The following FIG4 variants were observed in gnomAD, a reference collection of about 807,000 sequenced individuals.
FIG4 encodes the protein FIG4 phosphoinositide 5-phosphatase.
Under a neutral mutation model 118.6 loss-of-function variants are expected in FIG4, and 112 were observed. The ratio of observed to expected loss-of-function variants is 0.94; its 90% CI spans 0.81 to 1.11. The LOEUF (loss-of-function observed/expected upper bound fraction) is 1.11, where lower values mean the gene tolerates loss of function less well. Ranked by LOEUF, FIG4 falls within the 50% of genes least tolerant of loss-of-function variation. The pLI, the probability that FIG4 is intolerant of heterozygous loss-of-function variation, is 0.00. For missense variants in FIG4, 969 were observed against 1,111.7 expected, an observed-to-expected ratio of 0.87 and a Z score of 1.83; for synonymous variants, 369 against 381.2, an observed-to-expected ratio of 0.97 and a Z score of 0.37.
chr6:109,825,249 G>A lies in FIG4; in HGVS notation c.2708G>A (p.Arg903Lys). Residue 903 changes from arginine (R) to lysine (K), a missense_variant, in exon 23 of 23, where the codon AGG becomes AAG. Physicochemically the swap from Arg to Lys is conservative, Grantham distance 26 (BLOSUM62 2). Coordinates refer to ENST00000230124, the MANE Select transcript of FIG4 (RefSeq NM_014845.6). ...TCCTCCATGTACCGAGAGTACATCA[G>A]GAACCGCTACCTGTGAAAAGAGCGC... ...EDSSMYREYI[R>K]NRYL The A allele has an allele frequency of 6.2e-7, 1 of 1,614,054 alleles. No individual in the cohort carries two copies. The highest frequency in any genetic ancestry group is 1.1e-5 in the South Asian group (1 of 91,078).
Position 109,766,894 on chromosome 6 carries a change from AG to A in FIG4, c.1750+1del, listed in dbSNP as rs764770160. 25 of 1,613,534 alleles carry A rather than the reference AG, an allele frequency of 1.5e-5. No homozygotes were observed. The East Asian group carries it at 5.6e-4, about 36-fold the overall frequency. On this transcript the variant is annotated frameshift_variant and splice_region_variant, in exon 15 of 23. Transcript: ENST00000230124. LOFTEE classifies it high-confidence loss of function. The part of the protein sequence containing the change: ...LSRYYSNAFS[D>X]ADRQDSINLF... ...CTAGATATTACAGCAATGCTTTTTC[AG>A]GTAATTCTGAAGTAATAGCTATTTT...
chr6:109,710,238 T>C (rs189158079), intron 1 of FIG4, among the ~76,000 whole-genome samples: 1 of 152,334 alleles, frequency 6.6e-6, no homozygotes, highest in Non-Finnish European at 1.5e-5. Context: ...TTTAGTTCTG[T>C]TTATATGGTG....
intron 10 of FIG4, among the ~76,000 whole-genome samples, chr6:109,744,761 G>A (rs1019820498): frequency 1.3e-5 from 2 of 152,006 alleles, no homozygotes; most frequent in African/African-American, 4.8e-5. Flanking sequence ...ATCTACATTA[G>A]GTATTTCTCC....
chr6:109,712,191 T>A (rs1447739741), intron 1 of FIG4, among the ~76,000 whole-genome samples: 2 of 152,238 alleles, frequency 1.3e-5, no homozygotes, highest in Non-Finnish European at 2.9e-5. Context: ...TTTAACATTG[T>A]TTCTTTCATT....
At chr6:109,717,368 G>C (rs1775466064) in intron 3 of FIG4, among the ~76,000 whole-genome samples, 1 of 152,094 alleles carries the variant, frequency 6.6e-6, no homozygotes, top group Admixed American at 6.6e-5. Context: ...CCCCAATTCT[G>C]TAATAACTCC....
chr6:109,718,571 TTG>T (rs1775507361), intron 3 of FIG4, among the ~76,000 whole-genome samples: 1 of 152,172 alleles, frequency 6.6e-6, no homozygotes, highest in Non-Finnish European at 1.5e-5. Flanking sequence ...TAGGCTCATT[TTG>T]TGTGTTAGGT....
At chr6:109,740,075 C>A (rs532384351) in intron 7 of FIG4, among the ~76,000 whole-genome samples, 1 of 152,244 alleles carries the variant, frequency 6.6e-6, no homozygotes, top group East Asian at 1.9e-4. Context: ...GAGATTTGAT[C>A]CTGAATTACT....
intron 12 of FIG4, 62 bp from the exon 13 acceptor site, chr6:109,763,875 T>C: frequency 9.4e-7 from 1 of 1,067,678 alleles, no homozygotes; most frequent in South Asian, 1.3e-5. Context: ...AAGGATCTGG[T>C]ACTGAAAATA....
At chr6:109,775,816 T>G (rs1050116548) in intron 15 of FIG4, among the ~76,000 whole-genome samples, 8 of 152,236 alleles carry the variant, frequency 5.3e-5, no homozygotes, top group African/African-American at 1.9e-4. Context: ...AAATACATGT[T>G]TGATGTACCG....
At chr6:109,775,455 G>A (rs1206245323) in intron 15 of FIG4, among the ~76,000 whole-genome samples, 1 of 152,148 alleles carries the variant, frequency 6.6e-6, no homozygotes, top group Non-Finnish European at 1.5e-5. Context: ...TGCTGTTAAA[G>A]GATGAAAGAA....
chr6:109,769,396 G>A (rs981100019), intron 15 of FIG4, among the ~76,000 whole-genome samples: 9 of 152,114 alleles, frequency 5.9e-5, no homozygotes, highest in Non-Finnish European at 8.8e-5. Flanking sequence ...AGGAACTACC[G>A]TGAAAGGAAT....
At chr6:109,783,611 G>A (rs912893554) in intron 16 of FIG4, among the ~76,000 whole-genome samples, 2 of 152,244 alleles carry the variant, frequency 1.3e-5, no homozygotes, top group Admixed American at 1.3e-4. Flanking sequence ...CATAGCAGGT[G>A]CTTAATAAAT....
intron 22 of FIG4, among the ~76,000 whole-genome samples, chr6:109,815,204 A>G (rs1187623962): frequency 1.3e-5 from 2 of 152,006 alleles, no homozygotes; most frequent in Admixed American, 1.3e-4. Context: ...GTTGGCTGTC[A>G]CCACTGCATC....
chr6:109,775,534 C>A (rs901545445), intron 15 of FIG4, among the ~76,000 whole-genome samples: 2 of 152,038 alleles, frequency 1.3e-5, no homozygotes, highest in Admixed American at 1.3e-4. Context: ...TGAGGTACTA[C>A]GTAGAATGAA....
At chr6:109,769,802 C>A (rs1171952875) in intron 15 of FIG4, among the ~76,000 whole-genome samples, 2 of 152,018 alleles carry the variant, frequency 1.3e-5, no homozygotes, top group Non-Finnish European at 2.9e-5. Flanking sequence ...ACCTGTAGTC[C>A]CAGCTATGTG....
chr6:109,800,595 T>A (rs772529226), intron 22 of FIG4, among the ~76,000 whole-genome samples: 18 of 152,130 alleles, frequency 1.2e-4, no homozygotes, highest in Admixed American at 2.6e-4. Context: ...TCTAGAACAG[T>A]AACTTAAATT....
At chr6:109,777,120 T>C in intron 16 of FIG4, 60 bp downstream of exon 16, 1 of 1,427,064 alleles carries the variant, frequency 7.0e-7, no homozygotes, top group Non-Finnish European at 9.8e-7. Flanking sequence ...GAATATGAGA[T>C]ACTTTTCATT....
chr6:109,778,051 A>G (rs977922666), intron 16 of FIG4, among the ~76,000 whole-genome samples: 1 of 152,204 alleles, frequency 6.6e-6, no homozygotes, highest in Non-Finnish European at 1.5e-5. Context: ...AATTTTTTAC[A>G]TACCATACAT....
intron 1 of FIG4, among the ~76,000 whole-genome samples, chr6:109,693,881 A>G (rs1774629391): frequency 6.8e-6 from 1 of 147,692 alleles, no homozygotes; most frequent in Admixed American, 6.7e-5. Flanking sequence ...TTTTTTGGTT[A>G]AAGATATAAG....
Sources: gnomAD v4.1 joint callset for allele counts (sites outside exome capture counted in the v4.1 genomes callset) on GRCh38, gnomAD v4.1.1 for gene constraint, MANE v1.5 for transcripts, NCBI Gene and HGNC (gene_info 2026-07-23, HGNC 2026-07-21) for gene names.